The following CADM2 variants were observed in gnomAD, a reference collection of about 807,000 sequenced individuals.
CADM2 encodes immunoglobulin superfamily member 4D.
In CADM2, 12 loss-of-function variants were observed where a neutral mutation model predicts 49.8. That is an observed-to-expected ratio of 0.24 (90% CI 0.15 to 0.39). The LOEUF (loss-of-function observed/expected upper bound fraction) is 0.39. Ranked by LOEUF, CADM2 falls within the 10% of genes least tolerant of loss-of-function variation. The probability of loss-of-function intolerance (pLI) is 1.00; values close to 1 mark genes in which losing one functional copy is unlikely to be tolerated. For synonymous variants in CADM2, 214 were observed against 175.4 expected, an observed-to-expected ratio of 1.22 and a Z score of -1.74; for missense variants, 378 against 492.3, an observed-to-expected ratio of 0.77 and a Z score of 2.20.
intron 1 of CADM2, among the ~76,000 whole-genome samples, chr3:85,033,695 A>C (rs1338384804): frequency 6.6e-6 from 1 of 152,190 alleles, no homozygotes; most frequent in East Asian, 1.9e-4. Context: ...TGACAGTTTG[A>C]GGTTTTATGA....
chr3:85,524,503 G>T (rs1263478758), intron 1 of CADM2, among the ~76,000 whole-genome samples: 4 of 152,094 alleles, frequency 2.6e-5, no homozygotes, highest in Admixed American at 6.5e-5. Context: ...TACTTTATAT[G>T]ACTTGAATCT....
intron 1 of CADM2, among the ~76,000 whole-genome samples, chr3:85,424,316 G>GA: frequency 6.6e-6 from 1 of 151,216 alleles, no homozygotes; most frequent in Admixed American, 6.6e-5. Context: ...AATTATATTT[G>GA]AAAAATAATA....
At chr3:85,770,873 C>T (rs2070048280) in intron 2 of CADM2, among the ~76,000 whole-genome samples, 1 of 152,098 alleles carries the variant, frequency 6.6e-6, no homozygotes, top group African/African-American at 2.4e-5. Context: ...TTTCCATATA[C>T]TTTGATAATT....
chr3:86,065,607 C>T lies in CADM2; in HGVS notation c.973C>T (p.Pro325Ser), dbSNP rs145452087. The T allele has an allele frequency of 7.6e-5, 122 of 1,611,532 alleles. No homozygotes were observed. Among genetic ancestry groups the T allele is most frequent in the Non-Finnish European group, 1.0e-4 (118 of 1,179,156 alleles). ...CAATATTTTCCTGTCTTTTCCAGAT[C>T]CTAATGCTTTGGCTGGCCAGAATGG... ...SAEYVLIVHD[P>S]NALAGQNGPD... Residue 325 changes from proline (P) to serine (S), a missense_variant and splice_region_variant, in exon 9 of 10, where the codon CCT becomes TCT. Coordinates refer to ENST00000383699, the MANE Select transcript of CADM2 (RefSeq NM_001167675.2).
intron 8 of CADM2, among the ~76,000 whole-genome samples, chr3:85,974,977 C>T (rs1303638023): frequency 6.6e-6 from 1 of 151,444 alleles, no homozygotes; most frequent in Non-Finnish European, 1.5e-5. Flanking sequence ...GGAATCTTTA[C>T]TTTTCTCAGC....
intron 8 of CADM2, among the ~76,000 whole-genome samples, chr3:86,028,899 G>A (rs1292320610): frequency 6.6e-6 from 1 of 152,132 alleles, no homozygotes; most frequent in Non-Finnish European, 1.5e-5. Flanking sequence ...TTTAATGGCT[G>A]CCCTTTTATA....
chr3:85,121,054 G>A (rs1320481868), intron 1 of CADM2, among the ~76,000 whole-genome samples: 1 of 152,142 alleles, frequency 6.6e-6, no homozygotes, highest in Non-Finnish European at 1.5e-5. Flanking sequence ...AGACAAGGAG[G>A]CACCTGTTGT....
chr3:85,226,858 T>G (rs906646685), intron 1 of CADM2, among the ~76,000 whole-genome samples: 7 of 152,118 alleles, frequency 4.6e-5, no homozygotes, highest in Non-Finnish European at 1.0e-4. Context: ...AAGAACATCT[T>G]TATTTCTGCC....
intron 1 of CADM2, among the ~76,000 whole-genome samples, chr3:85,519,725 G>A (rs1453341835): frequency 6.6e-6 from 1 of 152,062 alleles, no homozygotes; most frequent in Non-Finnish European, 1.5e-5. Flanking sequence ...ACACAGAAAT[G>A]ACATTGAGTT....
Position 85,618,533 on chromosome 3 carries a change from C to T in CADM2, c.62-107989C>T, listed in dbSNP as rs1449395. On this transcript the variant is annotated intron_variant, in intron 1 of 9. Coordinates refer to ENST00000383699, the MANE Select transcript of CADM2 (RefSeq NM_001167675.2). ...TTGTACTGTTGCTTAATTCTCTTAA[C>T]CACCATGGTACCTTCCATTCTTAGT... 2.0e-5 allele frequency among the ~76,000 whole-genome samples: 3 copies of T among 152,000 alleles called. No homozygotes were observed. In the East Asian group the frequency reaches 5.8e-4, roughly 29 times the overall value.
At position 85,873,095 on chromosome 3, in the gene CADM2, C is replaced by T. The variant is rs141541559; in HGVS notation, c.239-10196C>T. On this transcript the variant is annotated intron_variant, in intron 3 of 9. Transcript: ENST00000383699. Reference sequence around the variant, plus strand: ...GAAGGTAAAAGGGCACTTCCCAAAACTTCTTTGTTAAAGTCATTAAAATGC... The same window carrying T: ...GAAGGTAAAAGGGCACTTCCCAAAATTTCTTTGTTAAAGTCATTAAAATGC... Among the ~76,000 whole-genome samples, 1,009 of 152,230 alleles carry T rather than the reference C, an allele frequency of 6.6e-3. 7 individuals are homozygous for T. The highest frequency in any genetic ancestry group is 0.027 in the Middle Eastern group (8 of 294).
intron 1 of CADM2, among the ~76,000 whole-genome samples, chr3:85,121,547 T>C (rs2038863742): frequency 6.6e-6 from 1 of 152,160 alleles, no homozygotes; most frequent in Admixed American, 6.5e-5. Context: ...ACAAAGAACG[T>C]GATCATGAAA....
At chr3:85,008,280 G>T (rs1276332615) in intron 1 of CADM2, among the ~76,000 whole-genome samples, 1 of 151,912 alleles carries the variant, frequency 6.6e-6, no homozygotes, top group Non-Finnish European at 1.5e-5. Context: ...TATAAATTTT[G>T]CTTTTGTCTT....
At chr3:85,459,307 C>G (rs1265070983) in intron 1 of CADM2, among the ~76,000 whole-genome samples, 1 of 152,170 alleles carries the variant, frequency 6.6e-6, no homozygotes, top group African/African-American at 2.4e-5. Flanking sequence ...TTTCTCTCTC[C>G]TTTTGACAGG....
chr3:85,492,450 G>C (rs959153269), intron 1 of CADM2, among the ~76,000 whole-genome samples: 16 of 151,902 alleles, frequency 1.1e-4, no homozygotes, highest in African/African-American at 3.4e-4. Context: ...AAATTCGCCC[G>C]GCATGATAGT....
chr3:86,047,122 G>T (rs529472552), intron 8 of CADM2, among the ~76,000 whole-genome samples: 1 of 152,132 alleles, frequency 6.6e-6, no homozygotes, highest in Non-Finnish European at 1.5e-5. Flanking sequence ...GTTTGAGCAC[G>T]ATTGTCGTTT....
chr3:85,471,419 T>A (rs2038758388), intron 1 of CADM2, among the ~76,000 whole-genome samples: 1 of 152,154 alleles, frequency 6.6e-6, no homozygotes, highest in African/African-American at 2.4e-5. Flanking sequence ...CAAGGGAAGC[T>A]GACAACCATC....
intron 1 of CADM2, among the ~76,000 whole-genome samples, chr3:85,495,831 G>A (rs1446026749): frequency 1.3e-5 from 2 of 151,912 alleles, no homozygotes; most frequent in South Asian, 2.1e-4. Flanking sequence ...TGCAAAGACC[G>A]CACAAGCCAT....
intron 1 of CADM2, among the ~76,000 whole-genome samples, chr3:85,667,099 T>C (rs1436552352): frequency 6.6e-6 from 1 of 151,988 alleles, no homozygotes; most frequent in Non-Finnish European, 1.5e-5. Flanking sequence ...TGGTAAGATT[T>C]CCTGGTAAAA....
Sources: gnomAD v4.1 joint callset for allele counts (sites outside exome capture counted in the v4.1 genomes callset) on GRCh38, gnomAD v4.1.1 for gene constraint, MANE v1.5 for transcripts, NCBI Gene and HGNC (gene_info 2026-07-23, HGNC 2026-07-21) for gene names.